RBFOX1: variants seen among roughly 807,000 people sequenced by gnomAD.
The protein encoded by RBFOX1 is RNA binding fox-1 homolog 1, also known as RNA binding protein fox-1 homolog 1.
A neutral mutation model predicts 57.7 loss-of-function variants in RBFOX1; 8 were observed. The observed-to-expected ratio is 0.14, with a 90% CI of 0.08 to 0.25. The LOEUF is 0.25. Ranked by LOEUF, RBFOX1 falls within the 10% of genes least tolerant of loss-of-function variation. The pLI, the probability that RBFOX1 is intolerant of heterozygous loss-of-function variation, is 1.00. For missense variants in RBFOX1, 611 were observed against 548.5 expected, an observed-to-expected ratio of 1.11 and a Z score of -1.14; for synonymous variants, 326 against 222.4, an observed-to-expected ratio of 1.47 and a Z score of -4.15.
chr16:6,659,784 A>G (rs967745978), intron 3 of RBFOX1, among the ~76,000 whole-genome samples: 3 of 152,166 alleles, frequency 2.0e-5, no homozygotes, highest in East Asian at 1.9e-4. Context: ...TTGGCACCCA[A>G]CAGTGGGGTG....
intron 4 of RBFOX1, among the ~76,000 whole-genome samples, chr16:7,140,157 C>CCTCTCTCTCTCTCTCTCTCTCTCTCT (rs57128710): frequency 8.5e-5 from 6 of 70,866 alleles, no homozygotes; most frequent in African/African-American, 1.2e-4. Context: ...TCCTTCTCTC[C>CCTCTCTCTCTCTCTCTCTCTCTCTCT]CTCTCTCTCT....
At chr16:6,226,027 C>T (rs1419919998) in intron 1 of RBFOX1, among the ~76,000 whole-genome samples, 2 of 151,964 alleles carry the variant, frequency 1.3e-5, no homozygotes, top group Non-Finnish European at 2.9e-5. Flanking sequence ...TACATTCCTG[C>T]AGTTCCTTTC....
chr16:7,249,798 C>G (rs2094442026), intron 4 of RBFOX1, among the ~76,000 whole-genome samples: 1 of 151,924 alleles, frequency 6.6e-6, no homozygotes, highest in Non-Finnish European at 1.5e-5. Flanking sequence ...TAAGCACACC[C>G]AGGACTTTCT....
chr16:6,611,592 A>T (rs1208153898), intron 2 of RBFOX1, among the ~76,000 whole-genome samples: 1 of 152,136 alleles, frequency 6.6e-6, no homozygotes, highest in Admixed American at 6.6e-5. Context: ...GGTTTTTCCT[A>T]TCCGTGTTCC....
intron 3 of RBFOX1, among the ~76,000 whole-genome samples, chr16:7,012,713 G>T (rs981394930): frequency 1.3e-5 from 2 of 152,186 alleles, no homozygotes; most frequent in South Asian, 2.1e-4. Flanking sequence ...AGAGTGACTT[G>T]CTTTGTAATT....
chr16:7,372,610 A>C (rs2097588790), intron 4 of RBFOX1, among the ~76,000 whole-genome samples: 1 of 152,108 alleles, frequency 6.6e-6, no homozygotes, highest in South Asian at 2.1e-4. Flanking sequence ...ATCAATTAGT[A>C]ATGTCTGCTA....
At chr16:5,270,325 G>T in intron 1 of RBFOX1, 1 of 733,378 alleles carries the variant, frequency 1.4e-6, no homozygotes. Flanking sequence ...TGGTCACCAG[G>T]ACCCGAGGAA....
intron 3 of RBFOX1, among the ~76,000 whole-genome samples, chr16:6,666,899 C>T (rs2098736543): frequency 6.6e-6 from 1 of 152,142 alleles, no homozygotes; most frequent in South Asian, 2.1e-4. Flanking sequence ...CTCCACAGAA[C>T]CATCAAAATG....
At chr16:6,858,321 A>G (rs1258562448) in intron 3 of RBFOX1, among the ~76,000 whole-genome samples, 1 of 152,210 alleles carries the variant, frequency 6.6e-6, no homozygotes, top group Non-Finnish European at 1.5e-5. Flanking sequence ...TAGGATATCT[A>G]GCTTAGGATT....
intron 2 of RBFOX1, among the ~76,000 whole-genome samples, chr16:6,413,008 C>G (rs891244864): frequency 3.3e-5 from 5 of 152,120 alleles, no homozygotes; most frequent in Non-Finnish European, 7.3e-5. Context: ...ATTACAACAC[C>G]AGGCTCAGCT....
chr16:6,103,086 G>C (rs1254393391), intron 1 of RBFOX1, among the ~76,000 whole-genome samples: 1 of 152,218 alleles, frequency 6.6e-6, no homozygotes, highest in Non-Finnish European at 1.5e-5. Flanking sequence ...ACTTGTTGGT[G>C]ATTTAGGAGA....
At chr16:6,938,051 A>T (rs988115002) in intron 3 of RBFOX1, among the ~76,000 whole-genome samples, 5 of 151,886 alleles carry the variant, frequency 3.3e-5, no homozygotes, top group African/African-American at 1.2e-4. Context: ...GCTAATTGTG[A>T]TATGGATATC....
At chr16:6,625,558 TTC>T (rs2098293681) in intron 2 of RBFOX1, among the ~76,000 whole-genome samples, 1 of 152,204 alleles carries the variant, frequency 6.6e-6, no homozygotes, top group South Asian at 2.1e-4. Flanking sequence ...TCTGTTATTT[TTC>T]TCTCTGCCTA....
intron 3 of RBFOX1, among the ~76,000 whole-genome samples, chr16:6,812,591 G>C (rs924668654): frequency 7.9e-5 from 12 of 151,984 alleles, no homozygotes; most frequent in Non-Finnish European, 1.3e-4. Context: ...TGGCCAGACT[G>C]GTCTCAAACT....
At chr16:6,026,503 C>A (rs1362237341) in intron 1 of RBFOX1, among the ~76,000 whole-genome samples, 4 of 152,188 alleles carry the variant, frequency 2.6e-5, no homozygotes, top group African/African-American at 9.7e-5. Context: ...CATCACTGTG[C>A]ACATGGCCTC....
At chr16:5,984,519 A>G (rs1283631107) in intron 4 of RBFOX1, among the ~76,000 whole-genome samples, 1 of 152,018 alleles carries the variant, frequency 6.6e-6, no homozygotes, top group Non-Finnish European at 1.5e-5. Context: ...TGCTATGCAA[A>G]AGGTTTCATT....
chr16:7,042,798 C>T (rs182958092), intron 3 of RBFOX1, among the ~76,000 whole-genome samples: 2 of 152,266 alleles, frequency 1.3e-5, no homozygotes, highest in Non-Finnish European at 2.9e-5. Context: ...TGGTGGCGCT[C>T]ACCTGGAATC....
At chr16:5,839,515 C>T (rs529047931) in intron 3 of RBFOX1, among the ~76,000 whole-genome samples, 22 of 152,222 alleles carry the variant, frequency 1.4e-4, no homozygotes, top group African/African-American at 4.1e-4. Flanking sequence ...ATTTATTAAG[C>T]GCTACATTAA....
chr16:6,809,439 G>A (rs891288560), intron 3 of RBFOX1, among the ~76,000 whole-genome samples: 4 of 152,134 alleles, frequency 2.6e-5, no homozygotes, highest in Non-Finnish European at 5.9e-5. Context: ...ACACATAGAT[G>A]TATTGATTTA....
Sources: gnomAD v4.1 joint callset for allele counts (sites outside exome capture counted in the v4.1 genomes callset) on GRCh38, gnomAD v4.1.1 for gene constraint, MANE v1.5 for transcripts, NCBI Gene and HGNC (gene_info 2026-07-23, HGNC 2026-07-21) for gene names.